PCLO: variants seen among roughly 807,000 people sequenced by gnomAD.
PCLO encodes the protein protein piccolo.
A neutral mutation model predicts 427.5 loss-of-function variants in PCLO; 82 were observed. The observed-to-expected ratio is 0.19, with a 90% confidence interval of 0.16 to 0.23. The LOEUF is 0.23. Ranked by LOEUF, PCLO falls within the 10% of genes least tolerant of loss-of-function variation. The probability of loss-of-function intolerance (pLI) is 1.00; values close to 1 mark genes in which losing one functional copy is unlikely to be tolerated. For missense variants in PCLO, 6,239 were observed against 6,115.9 expected (o/e 1.02, Z -0.67); for synonymous variants, 2,357 against 2,155.4 (o/e 1.09, Z -2.59).
At chr7:83,055,280 G>T (rs185355305) in intron 3 of PCLO, among the ~76,000 whole-genome samples, 1 of 152,168 alleles carries the variant, frequency 6.6e-6, no homozygotes, top group Non-Finnish European at 1.5e-5. Context: ...GCCTAGAGAA[G>T]AATTTTAGAA....
At chr7:82,989,487 T>C (rs1010707553) in intron 3 of PCLO, among the ~76,000 whole-genome samples, 2 of 152,094 alleles carry the variant, frequency 1.3e-5, no homozygotes, top group Non-Finnish European at 2.9e-5. Context: ...AATTAATATA[T>C]TTGAATATGT....
intron 6 of PCLO, among the ~76,000 whole-genome samples, chr7:82,936,920 C>A (rs945553527): frequency 6.6e-6 from 1 of 151,642 alleles, no homozygotes; most frequent in Non-Finnish European, 1.5e-5. Flanking sequence ...CTGTATGAAT[C>A]CATTTGTATT....
At chr7:82,994,561 G>T (rs1425575418) in intron 3 of PCLO, among the ~76,000 whole-genome samples, 1 of 151,668 alleles carries the variant, frequency 6.6e-6, no homozygotes, top group Non-Finnish European at 1.5e-5. Flanking sequence ...TAAATGACTT[G>T]ATCAGATAAT....
chr7:83,095,787 T>A (rs563869497), intron 3 of PCLO, among the ~76,000 whole-genome samples: 140 of 152,224 alleles, frequency 9.2e-4, no homozygotes, highest in African/African-American at 3.3e-3. Context: ...GCTAGAGAAC[T>A]CATTCTATAT....
intron 18 of PCLO, among the ~76,000 whole-genome samples, chr7:82,824,992 T>C (rs2115665518): frequency 6.6e-6 from 1 of 152,100 alleles, no homozygotes; most frequent in East Asian, 1.9e-4. Context: ...TCATAACTTA[T>C]TTTAATCTTA....
intron 3 of PCLO, among the ~76,000 whole-genome samples, chr7:83,050,747 T>A (rs1467382445): frequency 6.4e-5 from 9 of 141,526 alleles, no homozygotes; most frequent in East Asian, 2.1e-4. Context: ...TACTAAAAAT[T>A]AAAAAAAAAA....
chr7:82,996,964 G>A (rs1005919939), intron 3 of PCLO, among the ~76,000 whole-genome samples: 6 of 151,784 alleles, frequency 4.0e-5, no homozygotes, highest in Admixed American at 2.0e-4. Context: ...AACTTTCAAC[G>A]GTACTGTTTA....
At chr7:82,855,971 T>C (rs1212993795) in intron 10 of PCLO, among the ~76,000 whole-genome samples, 1 of 152,098 alleles carries the variant, frequency 6.6e-6, no homozygotes, top group Non-Finnish European at 1.5e-5. Context: ...AGTTGAACAC[T>C]AGATTCTGTG....
intron 3 of PCLO, among the ~76,000 whole-genome samples, chr7:83,088,929 A>G (rs2116429540): frequency 6.6e-6 from 1 of 152,290 alleles, no homozygotes; most frequent in African/African-American, 2.4e-5. Context: ...ATCCCTAGTG[A>G]AAAATCCTTC....
rs1428886280 is a variant in PCLO at position 82,824,386 on chromosome 7, G to A, written c.14446C>T (p.Leu4816Phe). 5.0e-6 allele frequency: 8 copies of A among 1,610,066 alleles called. No homozygotes were observed. The highest frequency in any genetic ancestry group is 6.8e-6 in the Non-Finnish European group (8 of 1,177,662). The stretch of plus-strand genomic sequence containing the variant: ...GGATACCACCTTGGAGTGTTATCGA[G>A]GTGAGATGTGCTAGATAAATCAATC... ...VLIDLSSTSH[L>F]DNTPRWYPLK... is the part of the protein sequence containing the mutation. Residue 4816 changes from leucine to phenylalanine, a missense_variant, in exon 19 of 25, where the codon CTC becomes TTC. Transcript: ENST00000333891.
At chr7:82,914,029 A>G (rs1196758672) in intron 7 of PCLO, among the ~76,000 whole-genome samples, 1 of 152,096 alleles carries the variant, frequency 6.6e-6, no homozygotes, top group Non-Finnish European at 1.5e-5. Flanking sequence ...ATTTAGTACT[A>G]AACTTTCTAG....
intron 22 of PCLO, among the ~76,000 whole-genome samples, chr7:82,801,156 A>G (rs1189932537): frequency 1.1e-5 from 1 of 90,884 alleles, no homozygotes; most frequent in Admixed American, 1.2e-4. Context: ...ATGAGGTTCC[A>G]TGATTGATTT....
intron 10 of PCLO, among the ~76,000 whole-genome samples, chr7:82,871,736 T>C (rs570466583): frequency 4.6e-5 from 7 of 151,968 alleles, no homozygotes; most frequent in Non-Finnish European, 1.0e-4. Flanking sequence ...ACAACTATTA[T>C]GTGCCAATAA....
At chr7:83,157,256 C>A (rs1792325064) in intron 1 of PCLO, among the ~76,000 whole-genome samples, 1 of 152,136 alleles carries the variant, frequency 6.6e-6, no homozygotes, top group Non-Finnish European at 1.5e-5. Context: ...GGAACAACCC[C>A]ATCTTTATTA....
At chr7:82,944,586 A>T (rs1795158636) in intron 6 of PCLO, among the ~76,000 whole-genome samples, 1 of 152,202 alleles carries the variant, frequency 6.6e-6, no homozygotes, top group Non-Finnish European at 1.5e-5. Flanking sequence ...ACTCAAAAAA[A>T]TAAATTCAAA....
intron 10 of PCLO, among the ~76,000 whole-genome samples, chr7:82,855,446 T>C (rs1476516095): frequency 6.6e-6 from 1 of 152,148 alleles, no homozygotes; most frequent in Non-Finnish European, 1.5e-5. Flanking sequence ...CTAGCCTACC[T>C]GAAGGCAAAC....
At chr7:82,888,826 A>T (rs925743616) in intron 9 of PCLO, among the ~76,000 whole-genome samples, 1 of 152,150 alleles carries the variant, frequency 6.6e-6, no homozygotes, top group African/African-American at 2.4e-5. Flanking sequence ...TGTTAAGTAG[A>T]TAAGTCACTG....
At chr7:83,016,055 T>A (rs1442498541) in intron 3 of PCLO, among the ~76,000 whole-genome samples, 2 of 152,030 alleles carry the variant, frequency 1.3e-5, no homozygotes, top group Non-Finnish European at 2.9e-5. Context: ...GTGCACAGCC[T>A]GGGTAGAAAA....
intron 3 of PCLO, among the ~76,000 whole-genome samples, chr7:82,973,436 T>C (rs779310639): frequency 2.0e-5 from 3 of 152,196 alleles, no homozygotes; most frequent in Non-Finnish European, 2.9e-5. Flanking sequence ...TAAATATGTA[T>C]ATGAATACAG....
Sources: allele counts gnomAD v4.1 joint callset (sites outside exome capture counted in the v4.1 genomes callset), GRCh38; gene constraint gnomAD v4.1.1; transcripts MANE v1.5; gene names NCBI Gene and HGNC (gene_info 2026-07-23, HGNC 2026-07-21).